Variants in KCNQ3 observed in about 807,000 individuals in gnomAD.
KCNQ3 encodes potassium voltage-gated channel subfamily Q member 3.
Under a neutral mutation model 92.5 loss-of-function variants are expected in KCNQ3, and 30 were observed. The observed-to-expected ratio is 0.32, with a 90% confidence interval of 0.24 to 0.44. KCNQ3 has a LOEUF of 0.44. Among genes scored for constraint, KCNQ3 ranks in the 20% least tolerant of loss-of-function variants. The probability of loss-of-function intolerance (pLI) is 1.00; values close to 1 mark genes in which losing one functional copy is unlikely to be tolerated. For missense variants in KCNQ3, 913 were observed against 1,140.3 expected (o/e 0.80, Z 2.87); for synonymous variants, 450 against 468.8 (o/e 0.96, Z 0.52).
Position 132,235,804 on chromosome 8 carries a change from T to C in KCNQ3, c.387-49623A>G, listed in dbSNP as rs547518234. Among the ~76,000 whole-genome samples, 5 of 152,350 alleles carry C rather than the reference T, an allele frequency of 3.3e-5. No individual in the cohort carries two copies. The South Asian group carries it at 6.2e-4, about 19-fold the overall frequency. On this transcript the variant is annotated intron_variant, in intron 1 of 14. Transcript: ENST00000388996. ...TGCATCATTTAGATCTCAGCCAAAA[T>C]ATCATTTTCTTAGAAAGGCCTTCCC...
At chr8:132,431,930 A>G (rs1232673264) in intron 1 of KCNQ3, among the ~76,000 whole-genome samples, 5 of 152,148 alleles carry the variant, frequency 3.3e-5, no homozygotes, top group Non-Finnish European at 7.4e-5. Context: ...CACCTCATTG[A>G]TAAAACCTAA....
At chr8:132,289,392 C>A (rs1240486884) in intron 1 of KCNQ3, among the ~76,000 whole-genome samples, 2 of 152,166 alleles carry the variant, frequency 1.3e-5, no homozygotes, top group Non-Finnish European at 2.9e-5. Context: ...AAAAGAGTTG[C>A]CAGCAGAGCC....
chr8:132,447,448 G>A (rs937140902), intron 1 of KCNQ3, among the ~76,000 whole-genome samples: 7 of 152,026 alleles, frequency 4.6e-5, no homozygotes, highest in East Asian at 1.9e-4. Flanking sequence ...GTACCTGTGC[G>A]TGGGCCACAC....
intron 1 of KCNQ3, among the ~76,000 whole-genome samples, chr8:132,381,058 C>T (rs1236306582): frequency 6.6e-6 from 1 of 151,876 alleles, no homozygotes; most frequent in Non-Finnish European, 1.5e-5. Flanking sequence ...TGCCAAGAAA[C>T]CTATTAACCT....
At chr8:132,391,742 C>T (rs11784302) in intron 1 of KCNQ3, among the ~76,000 whole-genome samples, 2,054 of 152,256 alleles carry the variant, frequency 0.013, 23 homozygotes, top group Non-Finnish European at 0.022. Flanking sequence ...TCTTTCTAAC[C>T]CCCTCAGGAC....
chr8:132,175,661 G>A lies in KCNQ3; in HGVS notation c.778-53C>T. The A allele has an allele frequency of 4.5e-6, 7 of 1,565,850 alleles. No homozygotes were observed. The South Asian group carries it at 6.8e-5, about 15-fold the overall frequency. On this transcript the variant is annotated intron_variant, in intron 4 of 14. Coordinates refer to ENST00000388996, the MANE Select transcript of KCNQ3 (RefSeq NM_004519.4). The stretch of plus-strand genomic sequence containing the variant: ...AGTGGTCACTGGGGAGTCGTTGAGT[G>A]GATGCTGGAGCCAGACACACCAGAG...
intron 1 of KCNQ3, among the ~76,000 whole-genome samples, chr8:132,318,210 C>T (rs563009490): frequency 2.0e-5 from 3 of 152,314 alleles, no homozygotes; most frequent in South Asian, 2.1e-4. Context: ...AGTCTCTTTT[C>T]CTTATGCTAT....
chr8:132,336,416 T>C (rs1427352730), intron 1 of KCNQ3, among the ~76,000 whole-genome samples: 1 of 152,250 alleles, frequency 6.6e-6, no homozygotes, highest in Non-Finnish European at 1.5e-5. Context: ...TTAGGGTTTC[T>C]GCGTCCTCTT....
chr8:132,129,413 C>T lies in KCNQ3; in HGVS notation c.2468G>A (p.Gly823Glu), dbSNP rs767331428. The stretch of plus-strand genomic sequence containing the variant: ...CCGCTTCTCCCTCATCCAGCTCGAC[C>T]CCCCATTGGGGCCGAACACATAATC... ...RDDYVFGPNGGSSWMREKRYL... is the reference protein window; with the variant it reads ...RDDYVFGPNGESSWMREKRYL... Residue 823 changes from glycine (G) to glutamate (E), a missense_variant, in exon 15 of 15, where the codon GGG (glycine) becomes GAG (glutamate). Coordinates refer to ENST00000388996, the MANE Select transcript of KCNQ3 (RefSeq NM_004519.4). This position sits in a 1 kb window ranked among gnomAD's most constrained non-coding sequence, Gnocchi z 5.9. The T allele has an allele frequency of 6.2e-6, 10 of 1,614,188 alleles. No individual in the cohort carries two copies. In the South Asian group the frequency reaches 1.1e-4, roughly 18 times the overall value.
intron 1 of KCNQ3, among the ~76,000 whole-genome samples, chr8:132,427,816 G>A (rs1256650137): frequency 6.6e-6 from 1 of 152,206 alleles, no homozygotes; most frequent in Non-Finnish European, 1.5e-5. Context: ...CACAGGAAGA[G>A]AAAATGGCCC....
intron 1 of KCNQ3, among the ~76,000 whole-genome samples, chr8:132,452,153 T>C (rs1372398226): frequency 2.0e-5 from 3 of 152,234 alleles, no homozygotes. Context: ...TTAACCACAT[T>C]CGCATCGTTG....
intron 1 of KCNQ3, among the ~76,000 whole-genome samples, chr8:132,218,611 A>T (rs1389243894): frequency 6.6e-6 from 1 of 152,208 alleles, no homozygotes; most frequent in African/African-American, 2.4e-5. Flanking sequence ...CAGGTGAGAA[A>T]AACTAGAAGT....
rs183295062 is a variant in KCNQ3 at position 132,350,137 on chromosome 8, A to G, written c.386+130010T>C. 7.2e-5 allele frequency among the ~76,000 whole-genome samples: 11 copies of G among 152,342 alleles called. No individual in the cohort carries two copies. The East Asian group carries it at 1.9e-3, about 27-fold the overall frequency. On this transcript the variant is annotated intron_variant, in intron 1 of 14. Coordinates refer to ENST00000388996, the MANE Select transcript of KCNQ3 (RefSeq NM_004519.4). ...AAATGGCACACTTAGTGAGGTGAAC[A>G]CAAACATTGTTGGCAGTCCGGATAC...
intron 1 of KCNQ3, among the ~76,000 whole-genome samples, chr8:132,297,469 A>G (rs1386210494): frequency 4.6e-5 from 7 of 152,154 alleles, no homozygotes; most frequent in Non-Finnish European, 1.0e-4. Flanking sequence ...CTCTGATTTC[A>G]TGAACAGTGT....
At chr8:132,397,910 A>C (rs1423698305) in intron 1 of KCNQ3, among the ~76,000 whole-genome samples, 1 of 152,170 alleles carries the variant, frequency 6.6e-6, no homozygotes, top group African/African-American at 2.4e-5. Context: ...CATCTATACA[A>C]AATCCTAGGA....
chr8:132,421,170 A>C (rs1341888561), intron 1 of KCNQ3, among the ~76,000 whole-genome samples: 2 of 152,226 alleles, frequency 1.3e-5, no homozygotes, highest in African/African-American at 4.8e-5. Flanking sequence ...GATGTAATAC[A>C]CAGTCTTGTG....
chr8:132,191,465 T>C (rs1450970139), intron 1 of KCNQ3, among the ~76,000 whole-genome samples: 1 of 151,810 alleles, frequency 6.6e-6, no homozygotes, highest in Non-Finnish European at 1.5e-5. Context: ...GCCTAGAAGA[T>C]CTATCTGCCT....
At chr8:132,180,629 C>A (rs1158659330) in intron 3 of KCNQ3, among the ~76,000 whole-genome samples, 1 of 152,126 alleles carries the variant, frequency 6.6e-6, no homozygotes, top group Non-Finnish European at 1.5e-5. Flanking sequence ...CCAAGGCCCC[C>A]CGCAGTGTGG....
chr8:132,246,012 C>G (rs1027569317), intron 1 of KCNQ3, among the ~76,000 whole-genome samples: 1 of 151,948 alleles, frequency 6.6e-6, no homozygotes, highest in African/African-American at 2.4e-5. Context: ...ATCAAGGGAC[C>G]CTTCCAGAAT....
Sources: gnomAD v4.1 joint callset for allele counts (sites outside exome capture counted in the v4.1 genomes callset) on GRCh38, gnomAD v4.1.1 for gene constraint, Gnocchi (gnomAD v3.1) non-coding constraint, MANE v1.5 for transcripts, NCBI Gene and HGNC (gene_info 2026-07-23, HGNC 2026-07-21) for gene names.